SYNCRIP: variants seen among roughly 807,000 people sequenced by gnomAD.
SYNCRIP encodes the protein heterogeneous nuclear ribonucleoprotein Q.
In SYNCRIP, 9 loss-of-function variants were observed where a neutral mutation model predicts 68.9. The ratio of observed to expected loss-of-function variants is 0.13; its 90% CI spans 0.08 to 0.23. The LOEUF is 0.23. Ranked by LOEUF, SYNCRIP falls within the 10% of genes least tolerant of loss-of-function variation. The pLI is 1.00. For missense variants in SYNCRIP, 414 were observed against 770.6 expected (o/e 0.54, Z 5.48); for synonymous variants, 258 against 254.0 (o/e 1.02, Z -0.15).
At chr6:85,624,484 G>A (rs540413154) in intron 6 of SYNCRIP, among the ~76,000 whole-genome samples, 1 of 152,240 alleles carries the variant, frequency 6.6e-6, no homozygotes, top group East Asian at 1.9e-4. Flanking sequence ...CTGTTAACCA[G>A]CACCTAAATC....
Position 85,622,653 on chromosome 6 carries a change from C to T in SYNCRIP, c.837G>A (p.Pro279=), listed in dbSNP as rs759657333. The change falls in exon 8 of 11, where the codon CCG becomes CCA. Residue 279 remains proline, a synonymous_variant. Transcript: ENST00000369622. ...AGCCTCTGTTTTTTTTCTTGTCATCCGGTTGGTGGTATAAAATGACGTCTG... is the reference window on the plus strand; with the variant it reads ...AGCCTCTGTTTTTTTTCTTGTCATCTGGTTGGTGGTATAAAATGACGTCTG... ...GLTDVILYHQ[P]DDKKKNRGFC... The T allele has an allele frequency of 1.7e-5, 28 of 1,614,008 alleles. No individual in the cohort carries two copies. Among genetic ancestry groups the T allele is most frequent in the South Asian group, 4.4e-5 (4 of 91,088 alleles).
At chr6:85,633,289 T>A (rs935494689) in intron 6 of SYNCRIP, among the ~76,000 whole-genome samples, 3 of 136,332 alleles carry the variant, frequency 2.2e-5, no homozygotes, top group Admixed American at 7.3e-5. Context: ...AATAAATAAA[T>A]AAAATAAACA....
rs150408554 is a variant in SYNCRIP at position 85,634,522 on chromosome 6, C to T, written c.666+2445G>A. 7.8e-3 allele frequency among the ~76,000 whole-genome samples: 1,185 copies of T among 152,126 alleles called. 12 individuals are homozygous for T. Among genetic ancestry groups the T allele is most frequent in the African/African-American group, 0.027 (1,114 of 41,512 alleles). On this transcript the variant is annotated intron_variant, in intron 6 of 10. Coordinates refer to ENST00000369622, the MANE Select transcript of SYNCRIP (RefSeq NM_006372.5). ...CCAAAATCCATGAATGCTCAACTCTCTTAAATAGCATAGTGTTTGCACATA... is the reference window on the plus strand; with the variant it reads ...CCAAAATCCATGAATGCTCAACTCTTTTAAATAGCATAGTGTTTGCACATA...
At chr6:85,623,806 C>T (rs1433674839) in intron 7 of SYNCRIP, among the ~76,000 whole-genome samples, 171 bp downstream of exon 7, 1 of 152,090 alleles carries the variant, frequency 6.6e-6, no homozygotes, top group African/African-American at 2.4e-5. Flanking sequence ...TTCCCAAATC[C>T]CTGAATGCCT....
chr6:85,640,161 A>G, intron 4 of SYNCRIP, 60 bp downstream of exon 4: 1 of 1,174,864 alleles, frequency 8.5e-7, no homozygotes, highest in Non-Finnish European at 1.3e-6. Context: ...AGGAATATTT[A>G]CCAAAATTAG....
At chr6:85,636,945 A>AG in intron 6 of SYNCRIP, 22 bp downstream of exon 6, 1 of 1,565,728 alleles carries the variant, frequency 6.4e-7, no homozygotes, top group Non-Finnish European at 8.6e-7. Context: ...TGAAAACTGA[A>AG]GGGGAAAAAA....
At chr6:85,626,437 T>C (rs1042980768) in intron 6 of SYNCRIP, among the ~76,000 whole-genome samples, 5 of 151,866 alleles carry the variant, frequency 3.3e-5, no homozygotes, top group Admixed American at 2.0e-4. Flanking sequence ...AGGAGTGATT[T>C]TGGGGGTGAC....
chr6:85,624,905 A>G (rs945012639), intron 6 of SYNCRIP, among the ~76,000 whole-genome samples: 12 of 152,228 alleles, frequency 7.9e-5, no homozygotes, highest in African/African-American at 2.4e-4. Flanking sequence ...TAATGGCGGC[A>G]GCAGCGGCAA....
intron 10 of SYNCRIP, among the ~76,000 whole-genome samples, chr6:85,617,804 A>G (rs1282413197): frequency 6.6e-6 from 1 of 152,254 alleles, no homozygotes. Context: ...ATTAACCTTG[A>G]ATAGTATTGA....
intron 6 of SYNCRIP, among the ~76,000 whole-genome samples, chr6:85,628,241 A>G (rs1440394023): frequency 6.6e-6 from 1 of 152,098 alleles, no homozygotes; most frequent in Admixed American, 6.5e-5. Context: ...TTTTTAGTAG[A>G]GACAGGGTTT....
At chr6:85,635,199 G>C (rs1481852410) in intron 6 of SYNCRIP, among the ~76,000 whole-genome samples, 1 of 151,918 alleles carries the variant, frequency 6.6e-6, no homozygotes, top group Non-Finnish European at 1.5e-5. Context: ...GGATTTCTAA[G>C]GTACCTCTTT....
chr6:85,620,606 A>G (rs1806278818), intron 8 of SYNCRIP, among the ~76,000 whole-genome samples: 1 of 152,210 alleles, frequency 6.6e-6, no homozygotes, highest in South Asian at 2.1e-4. Flanking sequence ...CTCCAAACCC[A>G]CAGAACATAC....
chr6:85,616,909 T>C (rs887410755), intron 10 of SYNCRIP, among the ~76,000 whole-genome samples: 6 of 152,168 alleles, frequency 3.9e-5, no homozygotes, highest in Non-Finnish European at 7.4e-5. Flanking sequence ...AGGCCAAGGA[T>C]GCTGCTAAAA....
chr6:85,638,661 T>C (rs1194482213), intron 4 of SYNCRIP, among the ~76,000 whole-genome samples: 2 of 152,174 alleles, frequency 1.3e-5, no homozygotes, highest in Non-Finnish European at 2.9e-5. Flanking sequence ...TAACTGTTTA[T>C]GAAAAATACT....
downstream of SYNCRIP, among the ~76,000 whole-genome samples, chr6:85,613,328 A>T (rs1310608373): frequency 6.6e-6 from 1 of 152,204 alleles, no homozygotes; most frequent in Non-Finnish European, 1.5e-5. Context: ...GACTTGTTTG[A>T]CCTTGAGATT....
chr6:85,613,846 G>A, downstream of SYNCRIP: 1 of 431,624 alleles, frequency 2.3e-6, no homozygotes, highest in Non-Finnish European at 3.1e-6. Context: ...GGTTAGTTAG[G>A]ATAAACTTTA....
intron 9 of SYNCRIP, 151 bp from the exon 10 acceptor site, chr6:85,619,090 T>C: frequency 2.6e-6 from 3 of 1,175,348 alleles, no homozygotes; most frequent in Non-Finnish European, 3.6e-6. Context: ...ATGCAGATAT[T>C]CAATTATTTT....
At chr6:85,635,444 C>A (rs1583305890) in intron 6 of SYNCRIP, among the ~76,000 whole-genome samples, 2 of 152,076 alleles carry the variant, frequency 1.3e-5, no homozygotes, top group Admixed American at 1.3e-4. Context: ...CTCAATTATG[C>A]AAACCAGTGG....
exon 12 of SYNCRIP, chr6:85,608,523 T>A (rs1026887530): frequency 2.0e-5 from 3 of 152,008 alleles, no homozygotes; most frequent in African/African-American, 4.8e-5. Flanking sequence ...AAGACAGTAC[T>A]TCACACATCT....
Sources: allele counts gnomAD v4.1 joint callset (sites outside exome capture counted in the v4.1 genomes callset), GRCh38; gene constraint gnomAD v4.1.1; transcripts MANE v1.5; gene names NCBI Gene and HGNC (gene_info 2026-07-23, HGNC 2026-07-21).